Variants in SORD observed in about 807,000 individuals in gnomAD.
The protein encoded by SORD is (R,R)-butanediol dehydrogenase.
A neutral mutation model predicts 35.6 loss-of-function variants in SORD; 18 were observed. The ratio of observed to expected loss-of-function variants is 0.51; its 90% CI spans 0.35 to 0.75. The LOEUF is 0.75. SORD is among the 30% of genes least tolerant of loss of function. The pLI, the probability that SORD is intolerant of heterozygous loss-of-function variation, is 0.01. For missense variants in SORD, 250 were observed against 390.2 expected (o/e 0.64, Z 3.03); for synonymous variants, 106 against 152.9 (o/e 0.69, Z 2.26).
At chr15:45,026,959 C>T (rs962666785) in intron 1 of SORD, among the ~76,000 whole-genome samples, 1 of 152,252 alleles carries the variant, frequency 6.6e-6, no homozygotes, top group Non-Finnish European at 1.5e-5. Context: ...GCACCATTCT[C>T]TTCTTTCTTG....
chr15:45,027,211 CT>C (rs1158371812), intron 1 of SORD, among the ~76,000 whole-genome samples: 5 of 152,236 alleles, frequency 3.3e-5, no homozygotes, highest in African/African-American at 1.2e-4. Context: ...GGAAAAGGGA[CT>C]GATGACCAAG....
chr15:45,068,205 T>C lies in SORD; in HGVS notation c.569T>C (p.Leu190Pro). The C allele has an allele frequency of 6.2e-7, 1 of 1,613,962 alleles. No homozygotes were observed. Among genetic ancestry groups the C allele is most frequent in the Non-Finnish European group, 8.5e-7 (1 of 1,179,832 alleles). The change falls in exon 6 of 9, where the codon CTC becomes CCC. Residue 190 changes from leucine (L) to proline (P), a missense_variant. Transcript: ENST00000267814. ...GGGCCAATCGGGATGGTCACTTTGCTCGTGGCCAAAGCAATGGGAGCAGCT... is the reference window on the plus strand; with the variant it reads ...GGGCCAATCGGGATGGTCACTTTGCCCGTGGCCAAAGCAATGGGAGCAGCT... ...GAGPIGMVTL[L>P]VAKAMGAAQV...
chr15:45,037,715 A>G (rs1166391927), intron 1 of SORD, among the ~76,000 whole-genome samples: 1 of 151,678 alleles, frequency 6.6e-6, no homozygotes, highest in Non-Finnish European at 1.5e-5. Flanking sequence ...AAAACCAAAT[A>G]CCACATGTTC....
intron 1 of SORD, among the ~76,000 whole-genome samples, chr15:45,028,911 G>A (rs68060743): frequency 0.21 from 31,144 of 150,678 alleles, no homozygotes; most frequent in African/African-American, 0.44. Flanking sequence ...GCATGAACAT[G>A]GGCAGCTCAG....
At chr15:45,030,125 GC>G (rs2141263201) in intron 1 of SORD, among the ~76,000 whole-genome samples, 2 of 152,338 alleles carry the variant, frequency 1.3e-5, no homozygotes, top group South Asian at 4.1e-4. Context: ...TTGTAGCTTG[GC>G]TTTCCGGCTT....
chr15:45,056,690 G>C (rs1450108674), intron 3 of SORD, among the ~76,000 whole-genome samples: 1 of 152,208 alleles, frequency 6.6e-6, no homozygotes, highest in African/African-American at 2.4e-5. Context: ...CCATTATGGG[G>C]ATGTGGAATT....
In SORD at chr15:45,068,881, G is replaced by C. The variant is rs1893455504; in HGVS notation, c.615G>C (p.Leu205=). The change falls in exon 7 of 9, where the codon CTG becomes CTC. Residue 205 remains leucine, a synonymous_variant. Transcript: ENST00000267814. The part of the protein sequence containing the change: ...MGAAQVVVTD[L]SATRLSKAKE... ...TTTTTTTTTTTTTACCTTCAGATCTGTCTGCTACCCGATTGTCCAAAGCCA... is the reference window on the plus strand; with the variant it reads ...TTTTTTTTTTTTTACCTTCAGATCTCTCTGCTACCCGATTGTCCAAAGCCA... The C allele has an allele frequency of 7.2e-6, 10 of 1,396,560 alleles. No individual in the cohort carries two copies. In the East Asian group the frequency reaches 2.7e-4, roughly 37 times the overall value. 86.5% of individuals were successfully genotyped at this position (1,396,560 alleles called of 1,614,324 possible).
intron 1 of SORD, among the ~76,000 whole-genome samples, chr15:45,028,919 C>T (rs903937913): frequency 6.6e-6 from 1 of 152,234 alleles, no homozygotes. Context: ...ATGGGCAGCT[C>T]AGATGGTCCT....
chr15:45,036,126 GA>G, intron 1 of SORD: 2 of 295,620 alleles, frequency 6.8e-6, no homozygotes, highest in South Asian at 5.5e-5. Context: ...CCACCAGAAG[GA>G]AGAAACTCCG....
At chr15:45,029,209 T>A (rs796132365) in intron 1 of SORD, among the ~76,000 whole-genome samples, 31,170 of 150,752 alleles carry the variant, frequency 0.21, no homozygotes, top group African/African-American at 0.44. Context: ...AAACTGGACA[T>A]ACCATTTCAA....
At chr15:45,061,684 G>A (rs1025588814) in intron 4 of SORD, among the ~76,000 whole-genome samples, 8 of 151,748 alleles carry the variant, frequency 5.3e-5, no homozygotes, top group African/African-American at 1.9e-4. Context: ...TGGCTAACAC[G>A]GTGAAACCCC....
intron 1 of SORD, among the ~76,000 whole-genome samples, chr15:45,035,463 C>CGCG (rs1555409087): frequency 6.6e-6 from 1 of 151,684 alleles, no homozygotes; most frequent in African/African-American, 2.4e-5. Flanking sequence ...TCTAGCTAAT[C>CGCG]TGGGGGGGAG....
chr15:45,063,616 G>A (rs1284081112), intron 4 of SORD, among the ~76,000 whole-genome samples: 3 of 152,156 alleles, frequency 2.0e-5, no homozygotes, highest in African/African-American at 7.2e-5. Context: ...AATCAGTAGA[G>A]TATTCTTCCT....
intron 6 of SORD, among the ~76,000 whole-genome samples, 189 bp from the exon 7 acceptor site, chr15:45,068,688 G>A (rs1459388620): frequency 6.6e-6 from 1 of 151,220 alleles, no homozygotes; most frequent in Non-Finnish European, 1.5e-5. Context: ...AGCCATCCTG[G>A]GCTGCATGTG....
At chr15:45,036,951 GAAAA>G (rs1892878844) in intron 1 of SORD, among the ~76,000 whole-genome samples, 1 of 152,192 alleles carries the variant, frequency 6.6e-6, no homozygotes, top group Admixed American at 6.5e-5. Flanking sequence ...AAGGAAACAT[GAAAA>G]GCAAGGTTTT....
chr15:45,061,109 A>G lies in SORD; in HGVS notation c.308A>G (p.Asp103Gly), dbSNP rs1893297542. 1 of 1,614,014 alleles carries G rather than the reference A, an allele frequency of 6.2e-7. No homozygotes were observed. The highest frequency in any genetic ancestry group is 8.5e-7 in the Non-Finnish European group (1 of 1,180,028). ...AIEPGAPREN[D>G]EFCKMGRYNL... ...GAGCCTGGTGCTCCCCGAGAAAATG[A>G]TGAATTCTGCAAGATGGGCCGATAC... Residue 103 changes from aspartate to glycine, a missense_variant, in exon 4 of 9, where the codon GAT becomes GGT. Asp to Gly is a moderately conservative substitution (Grantham distance 94). This residue lies in a region of SORD where 126 missense variants were observed against 148.7 expected (regional missense o/e 0.85). Transcript: ENST00000267814.
At chr15:45,024,139 TCAG>T (rs1389075274) in intron 1 of SORD, among the ~76,000 whole-genome samples, 4 of 152,166 alleles carry the variant, frequency 2.6e-5, no homozygotes, top group Non-Finnish European at 5.9e-5. Context: ...AGTGGCTGAG[TCAG>T]CAGCCTAGTC....
chr15:45,043,388 A>G lies in SORD; in HGVS notation c.232A>G (p.Lys78Glu), dbSNP rs1595499671. ...LGHEASGTVE[K>E]VGSSVKHLKP... is the part of the protein sequence containing the mutation. ...ACATGAAGCTTCGGGAACAGTCGAA[A>G]AAGTGGGATCATCGGTAAAGCACCT... is the stretch of plus-strand genomic sequence containing the variant. Residue 78 changes from lysine (K) to glutamate (E), a missense_variant, in exon 3 of 9, where the codon AAA becomes GAA. Coordinates refer to ENST00000267814, the MANE Select transcript of SORD (RefSeq NM_003104.6). The G allele has an allele frequency of 1.4e-6, 1 of 693,606 alleles. No individual in the cohort carries two copies. Among genetic ancestry groups the G allele is most frequent in the East Asian group, 2.5e-5 (1 of 39,404 alleles). The allele number at this position is 693,606 out of a possible 1,614,324, so 43.0% of individuals were successfully genotyped here.
chr15:45,035,635 C>T (rs1892852633), intron 1 of SORD, among the ~76,000 whole-genome samples: 2 of 152,188 alleles, frequency 1.3e-5, no homozygotes, highest in African/African-American at 4.8e-5. Context: ...CTGGGGTCCC[C>T]TTCCACACTG....
Sources: allele counts gnomAD v4.1 joint callset (sites outside exome capture counted in the v4.1 genomes callset), GRCh38; gene constraint gnomAD v4.1.1; regional missense constraint gnomAD v4.1.1; transcripts MANE v1.5; gene names NCBI Gene and HGNC (gene_info 2026-07-23, HGNC 2026-07-21).